Variants in UNC13C observed in about 807,000 individuals in gnomAD.
The protein encoded by UNC13C is protein unc-13 homolog C.
Under a neutral mutation model 245.4 loss-of-function variants are expected in UNC13C, and 174 were observed. The observed-to-expected ratio is 0.71, with a 90% CI of 0.63 to 0.80. The LOEUF (loss-of-function observed/expected upper bound fraction) is 0.80. Ranked by LOEUF, UNC13C falls within the 30% of genes least tolerant of loss-of-function variation. UNC13C has a pLI of 0.00. For missense variants in UNC13C, 2,829 were observed against 2,602.9 expected, an observed-to-expected ratio of 1.09 and a Z score of -1.89; for synonymous variants, 992 against 895.1, an observed-to-expected ratio of 1.11 and a Z score of -1.93.
chr15:54,205,329 GT>G (rs1567096403), intron 4 of UNC13C, among the ~76,000 whole-genome samples: 1 of 151,920 alleles, frequency 6.6e-6, no homozygotes, highest in Non-Finnish European at 1.5e-5. Context: ...GTCCCCCAAT[GT>G]AAGATTTTTC....
chr15:54,606,899 C>T (rs1343925860), intron 30 of UNC13C, among the ~76,000 whole-genome samples: 1 of 151,952 alleles, frequency 6.6e-6, no homozygotes, highest in African/African-American at 2.4e-5. Context: ...TACAATTTAC[C>T]GAATTGGAAA....
chr15:54,194,196 G>T (rs557275693), intron 4 of UNC13C, among the ~76,000 whole-genome samples: 2 of 152,084 alleles, frequency 1.3e-5, no homozygotes, highest in African/African-American at 4.8e-5. Flanking sequence ...CAAGTTAGAC[G>T]GGGTGATAGT....
intron 8 of UNC13C, among the ~76,000 whole-genome samples, chr15:54,257,836 G>A (rs2036318727): frequency 6.6e-6 from 1 of 152,122 alleles, no homozygotes; most frequent in Non-Finnish European, 1.5e-5. Flanking sequence ...AAAGACTGAA[G>A]GCATGTTAAA....
chr15:53,960,796 C>G, the UNC13C span, among the ~76,000 whole-genome samples: 1 of 152,206 alleles, frequency 6.6e-6, no homozygotes, highest in Non-Finnish European at 1.5e-5. Flanking sequence ...CTCCCATCTT[C>G]TCTGCAGCCA....
At chr15:54,420,000 G>A (rs543755164) in intron 19 of UNC13C, among the ~76,000 whole-genome samples, 4 of 151,948 alleles carry the variant, frequency 2.6e-5, no homozygotes, top group Non-Finnish European at 5.9e-5. Context: ...CCCCTTTCTA[G>A]TTAATTGTTT....
chr15:54,365,605 T>C (rs1158379361), intron 17 of UNC13C, among the ~76,000 whole-genome samples: 1 of 152,146 alleles, frequency 6.6e-6, no homozygotes, highest in South Asian at 2.1e-4. Flanking sequence ...TGGGATGGCA[T>C]ATAAGACCAT....
chr15:54,379,344 A>G (rs2039672231), intron 17 of UNC13C, among the ~76,000 whole-genome samples: 1 of 152,108 alleles, frequency 6.6e-6, no homozygotes, highest in South Asian at 2.1e-4. Context: ...TGAAGGTGAA[A>G]GATACATCTT....
intron 2 of UNC13C, among the ~76,000 whole-genome samples, chr15:54,123,320 A>C (rs1489272527): frequency 6.6e-6 from 1 of 151,716 alleles, no homozygotes. Flanking sequence ...ATATAACTAG[A>C]GAGAGATGTA....
In UNC13C at chr15:54,160,558, A is replaced by T. The variant is rs78922332; in HGVS notation, c.3071+16874A>T. ...TTAAACTCTTTTTTGATTTAGAAAT[A>T]GAATTCATGATCTTCAAATCTGGTA... On this transcript the variant is annotated intron_variant, in intron 4 of 32. Coordinates refer to ENST00000260323, the MANE Select transcript of UNC13C (RefSeq NM_001080534.3). Among the ~76,000 whole-genome samples the T allele has an allele frequency of 9.9e-3, 1,503 of 152,160 alleles. 54 individuals carry two copies. The highest frequency in any genetic ancestry group is 0.088 in the East Asian group (453 of 5,170).
chr15:53,961,159 G>A, the UNC13C span, among the ~76,000 whole-genome samples: 2 of 152,278 alleles, frequency 1.3e-5, no homozygotes, highest in East Asian at 1.9e-4. Flanking sequence ...AACAATTTCC[G>A]GAGCTCTCTG....
At chr15:54,005,061 C>G (rs1215166824) in intron 1 of UNC13C, among the ~76,000 whole-genome samples, 3 of 152,122 alleles carry the variant, frequency 2.0e-5, no homozygotes, top group Non-Finnish European at 4.4e-5. Flanking sequence ...GTTTCTGTGA[C>G]TCAGGCTTCT....
At chr15:53,897,560 G>T in the UNC13C span, among the ~76,000 whole-genome samples, 2 of 152,246 alleles carry the variant, frequency 1.3e-5, no homozygotes, top group East Asian at 3.9e-4. Context: ...TATTATAGGC[G>T]TGTGCCATGG....
At chr15:54,114,219 C>T (rs2030048532) in intron 2 of UNC13C, among the ~76,000 whole-genome samples, 1 of 152,192 alleles carries the variant, frequency 6.6e-6, no homozygotes, top group Admixed American at 6.5e-5. Context: ...TCCCAATAGC[C>T]TGCCACTGGA....
At chr15:54,177,531 G>A (rs2033656506) in intron 4 of UNC13C, among the ~76,000 whole-genome samples, 1 of 152,098 alleles carries the variant, frequency 6.6e-6, no homozygotes, top group South Asian at 2.1e-4. Flanking sequence ...GTTAAAGAGA[G>A]GCCATAAACC....
In UNC13C at chr15:54,025,534, G is replaced by A. The variant is rs564086276; in HGVS notation, c.2983+9648G>A. 2.0e-5 allele frequency among the ~76,000 whole-genome samples: 3 copies of A among 152,318 alleles called. No individual in the cohort carries two copies. In the East Asian group the frequency reaches 5.8e-4, roughly 29 times the overall value. On this transcript the variant is annotated intron_variant, in intron 2 of 32. Coordinates refer to ENST00000260323, the MANE Select transcript of UNC13C (RefSeq NM_001080534.3). The stretch of plus-strand genomic sequence containing the variant: ...CTAAGAGGAGGGGGAAGAAAACCCA[G>A]AAGTAGCAAATCCAGTATTTGTACT...
chr15:54,164,622 C>T (rs1023340720), intron 4 of UNC13C, among the ~76,000 whole-genome samples: 9 of 152,170 alleles, frequency 5.9e-5, no homozygotes, highest in East Asian at 1.9e-4. Flanking sequence ...TCAGTTCAGC[C>T]GGGTTTCTAG....
chr15:53,889,982 G>C, the UNC13C span, among the ~76,000 whole-genome samples: 1 of 151,980 alleles, frequency 6.6e-6, no homozygotes, highest in African/African-American at 2.4e-5. Flanking sequence ...TTTTTACATC[G>C]ATGTTCATCA....
chr15:54,282,638 G>T (rs1286418141), intron 10 of UNC13C, among the ~76,000 whole-genome samples: 1 of 152,154 alleles, frequency 6.6e-6, no homozygotes, highest in Non-Finnish European at 1.5e-5. Flanking sequence ...TCATCATGTG[G>T]GGTGGGTGCC....
chr15:54,246,243 T>C (rs529790668), intron 7 of UNC13C, among the ~76,000 whole-genome samples: 22 of 152,314 alleles, frequency 1.4e-4, no homozygotes, highest in African/African-American at 5.1e-4. Context: ...AAAATATTTC[T>C]CTAGGGTGTG....
Sources: allele counts gnomAD v4.1 joint callset (sites outside exome capture counted in the v4.1 genomes callset), GRCh38; gene constraint gnomAD v4.1.1; transcripts MANE v1.5; gene names NCBI Gene and HGNC (gene_info 2026-07-23, HGNC 2026-07-21).